DGLUCY: variants seen among roughly 807,000 people sequenced by gnomAD.
The protein encoded by DGLUCY is D-glutamate cyclase, mitochondrial.
Under a neutral mutation model 58.5 loss-of-function variants are expected in DGLUCY, and 58 were observed. The ratio of observed to expected loss-of-function variants is 0.99; its 90% CI spans 0.80 to 1.23. DGLUCY has a LOEUF of 1.23. DGLUCY is among the 50% of genes most tolerant of loss of function. The pLI is 0.00. For missense variants in DGLUCY, 779 were observed against 784.7 expected (o/e 0.99, Z 0.09); for synonymous variants, 325 against 314.1 (o/e 1.03, Z -0.37).
At chr14:91,213,919 C>G (rs1220669641) in intron 12 of DGLUCY, among the ~76,000 whole-genome samples, 1 of 152,060 alleles carries the variant, frequency 6.6e-6, no homozygotes, top group South Asian at 2.1e-4. Flanking sequence ...AGGCTGGTCT[C>G]GAACTCCTAA....
intron 6 of DGLUCY, 56 bp downstream of exon 6, chr14:91,173,495 C>G: frequency 6.6e-7 from 1 of 1,510,078 alleles, no homozygotes; most frequent in Non-Finnish European, 8.8e-7. Flanking sequence ...CAACCCAGGT[C>G]AGTGTCTCTC....
At chr14:91,060,486 C>G (rs761479240) in exon 1 of DGLUCY, 24 of 1,309,116 alleles carry the variant, frequency 1.8e-5, no homozygotes, top group Middle Eastern at 2.0e-4. Flanking sequence ...ACCCAGGAGA[C>G]AGCGGACGCC....
intron 1 of DGLUCY, among the ~76,000 whole-genome samples, chr14:91,140,844 C>T (rs1286336452): frequency 2.0e-5 from 3 of 152,146 alleles, no homozygotes; most frequent in Non-Finnish European, 4.4e-5. Flanking sequence ...GGTTGTGATT[C>T]AAACAGCAAT....
intron 1 of DGLUCY, among the ~76,000 whole-genome samples, chr14:91,065,751 A>C (rs901731658): frequency 6.6e-6 from 1 of 152,192 alleles, no homozygotes; most frequent in Non-Finnish European, 1.5e-5. Context: ...ACTAGAGAAA[A>C]TAGGAGGGAA....
At chr14:91,222,562 T>G (rs1887673687) in intron 13 of DGLUCY, among the ~76,000 whole-genome samples, 1 of 152,054 alleles carries the variant, frequency 6.6e-6, no homozygotes, top group Admixed American at 6.5e-5. Context: ...AGGGCCTCCC[T>G]CCTACAGAGG....
intron 1 of DGLUCY, among the ~76,000 whole-genome samples, chr14:91,122,408 C>T (rs1030324292): frequency 1.8e-4 from 27 of 151,974 alleles, no homozygotes; most frequent in Non-Finnish European, 2.9e-4. Flanking sequence ...CCGCCTTGGC[C>T]TCCCAAAGTG....
At chr14:91,159,935 G>A (rs2047881234) in intron 2 of DGLUCY, among the ~76,000 whole-genome samples, 1 of 152,144 alleles carries the variant, frequency 6.6e-6, no homozygotes, top group Non-Finnish European at 1.5e-5. Flanking sequence ...TAGAATAATA[G>A]GCCACGGTGC....
In DGLUCY at chr14:91,160,292, A is replaced by T; in HGVS notation, c.-3A>T. 6.2e-7 allele frequency: 1 copy of T among 1,609,534 alleles called. No individual in the cohort carries two copies. The highest frequency in any genetic ancestry group is 8.5e-7 in the Non-Finnish European group (1 of 1,176,018). On this transcript the variant is annotated 5_prime_UTR_variant, in exon 3 of 14. Transcript: ENST00000256324. ...TTCTCTGCTACTTATTCAAGTTGAC[A>T]CGATGCCCTTCACACTCCACCTGAG...
intron 1 of DGLUCY, among the ~76,000 whole-genome samples, chr14:91,143,029 CAAAAA>C (rs34164664): frequency 4.8e-5 from 4 of 83,080 alleles, no homozygotes; most frequent in African/African-American, 1.4e-4. Flanking sequence ...GACTCCCTCT[CAAAAA>C]AAAAAAAAAA....
intron 12 of DGLUCY, among the ~76,000 whole-genome samples, chr14:91,207,872 G>A (rs569938401): frequency 2.6e-5 from 4 of 151,938 alleles, no homozygotes; most frequent in South Asian, 4.2e-4. Context: ...TCAGCCTCCC[G>A]AGTAGCTGGG....
chr14:91,224,074 A>T (rs972027087), intron 13 of DGLUCY, among the ~76,000 whole-genome samples: 3 of 152,318 alleles, frequency 2.0e-5, no homozygotes, highest in Admixed American at 6.5e-5. Context: ...CAGCAGCAGG[A>T]TTTGACACAT....
At chr14:91,086,939 G>A (rs2044231288) in intron 1 of DGLUCY, among the ~76,000 whole-genome samples, 1 of 152,152 alleles carries the variant, frequency 6.6e-6, no homozygotes, top group Non-Finnish European at 1.5e-5. Flanking sequence ...TTTTGGTAGA[G>A]ATGGGGTTTC....
At chr14:91,155,540 C>T (rs367884700) in intron 1 of DGLUCY, among the ~76,000 whole-genome samples, 156 of 152,264 alleles carry the variant, frequency 1.0e-3, no homozygotes, top group African/African-American at 3.5e-3. Context: ...CCTTGCACGG[C>T]GGCTCACTCC....
chr14:91,091,350 G>A (rs1035101634), intron 1 of DGLUCY, among the ~76,000 whole-genome samples: 4 of 151,966 alleles, frequency 2.6e-5, no homozygotes, highest in South Asian at 2.1e-4. Flanking sequence ...GTAAAACCCC[G>A]TCTTTACTAA....
At position 91,189,033 on chromosome 14, in the gene DGLUCY, C is replaced by A; in HGVS notation, c.1058C>A (p.Pro353Gln). 6.2e-7 allele frequency: 1 copy of A among 1,614,170 alleles called. No homozygotes were observed. The highest frequency in any genetic ancestry group is 1.1e-5 in the South Asian group (1 of 91,084). Residue 353 changes from proline (P) to glutamine (Q), a missense_variant, in exon 9 of 14, where the codon CCA (proline) becomes CAA (glutamine). Pro to Gln is a moderately conservative substitution (Grantham distance 76). Transcript: ENST00000256324. ...CCCACACATTTCAATCATGAGCCTC[C>A]AGAAGAGACAGATGGCCCACCAGGA... ...GFPTHFNHEP[P>Q]EETDGPPGAV... is the part of the protein sequence containing the mutation.
At chr14:91,091,393 G>C (rs1355375203) in intron 1 of DGLUCY, among the ~76,000 whole-genome samples, 10 of 151,998 alleles carry the variant, frequency 6.6e-5, no homozygotes. Flanking sequence ...GCGGTGGCAG[G>C]TGCCTGTAAT....
chr14:91,074,310 A>T (rs545984188), intron 1 of DGLUCY, among the ~76,000 whole-genome samples: 3,491 of 137,770 alleles, frequency 0.025, 83 homozygotes, highest in African/African-American at 0.064. Flanking sequence ...AAAAAAAAAA[A>T]AAATATATAT....
chr14:91,069,560 G>A (rs1376498234), intron 1 of DGLUCY, among the ~76,000 whole-genome samples: 1 of 152,110 alleles, frequency 6.6e-6, no homozygotes, highest in African/African-American at 2.4e-5. Flanking sequence ...GATTACAGGC[G>A]TGAGCCACCG....
chr14:91,204,871 A>G, intron 12 of DGLUCY, 46 bp downstream of exon 12: 1 of 1,611,912 alleles, frequency 6.2e-7, no homozygotes, highest in Non-Finnish European at 8.5e-7. Flanking sequence ...ACCCAGGGTG[A>G]GCGACCTGGC....
Sources: gnomAD v4.1 joint callset for allele counts (sites outside exome capture counted in the v4.1 genomes callset) on GRCh38, gnomAD v4.1.1 for gene constraint, MANE v1.5 for transcripts, NCBI Gene and HGNC (gene_info 2026-07-23, HGNC 2026-07-21) for gene names.